The following ROS1 variants were observed in gnomAD, a reference collection of about 807,000 sequenced individuals.
The protein encoded by ROS1 is ROS proto-oncogene 1, receptor tyrosine kinase.
Under a neutral mutation model 273.5 loss-of-function variants are expected in ROS1, and 263 were observed. The observed-to-expected ratio is 0.96, with a 90% CI of 0.87 to 1.06. ROS1 has a LOEUF of 1.06. Ranked by LOEUF, ROS1 falls within the 50% of genes least tolerant of loss-of-function variation. ROS1 has a pLI of 0.00. For synonymous variants in ROS1, 1,008 were observed against 954.1 expected, an observed-to-expected ratio of 1.06 and a Z score of -1.04; for missense variants, 2,833 against 2,751.1, an observed-to-expected ratio of 1.03 and a Z score of -0.67.
intron 43 of ROS1, among the ~76,000 whole-genome samples, chr6:117,297,796 C>T (rs184844655): frequency 3.1e-4 from 47 of 152,098 alleles, no homozygotes; most frequent in African/African-American, 6.7e-4. Context: ...ACAACTTTTA[C>T]GGAAAACAGT....
rs962952452 is a variant in ROS1 at position 117,408,057 on chromosome 6, T to G, written c.316+1525A>C. Among the ~76,000 whole-genome samples, 125 of 151,974 alleles carry G rather than the reference T, an allele frequency of 8.2e-4. 1 individual carries two copies. Among genetic ancestry groups the G allele is most frequent in the African/African-American group, 2.7e-3 (113 of 41,398 alleles). On this transcript the variant is annotated intron_variant, in intron 5 of 43. Transcript: ENST00000368507. ...CCCTTCCTTACACCTTATACAAAAA[T>G]TAATTCAAGATGGATTAAAGACTTA...
At chr6:117,422,674 T>C (rs543077577) in intron 1 of ROS1, among the ~76,000 whole-genome samples, 54 of 152,234 alleles carry the variant, frequency 3.5e-4, no homozygotes, top group African/African-American at 1.3e-3. Flanking sequence ...TTTCAGTTGA[T>C]TTTCAGTTTA....
chr6:117,404,428 T>C lies in ROS1; in HGVS notation c.317A>G (p.Glu106Gly). Residue 106 changes from glutamate (E) to glycine (G), a missense_variant and splice_region_variant, in exon 6 of 44, where the codon GAA (glutamate) becomes GGA (glycine). By Grantham distance (98) the Glu-to-Gly change is moderately conservative (BLOSUM62 -2). Coordinates refer to ENST00000368507, the MANE Select transcript of ROS1 (RefSeq NM_001378902.1). ...AEGAYEEEVL[E>G]NADLPTAPFA... The stretch of plus-strand genomic sequence containing the variant: ...GGGAGCAGTTGGTAGGTCTGCATTT[T>C]CTGGGGAAAAAACAAGATTTCACTC... The C allele has an allele frequency of 6.2e-7, 1 of 1,611,562 alleles. No homozygotes were observed. Among genetic ancestry groups the C allele is most frequent in the Non-Finnish European group, 8.5e-7 (1 of 1,179,012 alleles).
chr6:117,361,516 G>A (rs1779802058), intron 22 of ROS1, among the ~76,000 whole-genome samples: 1 of 147,720 alleles, frequency 6.8e-6, no homozygotes, highest in Non-Finnish European at 1.5e-5. Context: ...TGGTTCCATG[G>A]TGACCAAAAT....
chr6:117,289,659 G>A (rs1374415147), intron 43 of ROS1, among the ~76,000 whole-genome samples: 1 of 152,120 alleles, frequency 6.6e-6, no homozygotes, highest in East Asian at 1.9e-4. Context: ...CAGGTTCACA[G>A]GCTCTTTGGT....
chr6:117,336,372 T>C (rs1418826991), intron 32 of ROS1, among the ~76,000 whole-genome samples: 1 of 152,066 alleles, frequency 6.6e-6, no homozygotes, highest in Non-Finnish European at 1.5e-5. Context: ...CCTCCTTGTG[T>C]CCATGCGTTC....
intron 43 of ROS1, among the ~76,000 whole-genome samples, chr6:117,297,048 G>A (rs1475371517): frequency 3.3e-5 from 5 of 152,126 alleles, no homozygotes; most frequent in African/African-American, 1.2e-4. Flanking sequence ...ACAGAATCCA[G>A]AATCCAGAAA....
intron 32 of ROS1, among the ~76,000 whole-genome samples, chr6:117,332,051 G>C (rs929368642): frequency 6.6e-6 from 1 of 151,896 alleles, no homozygotes; most frequent in African/African-American, 2.4e-5. Flanking sequence ...TGGCAAATTG[G>C]ATAAGGAGTC....
chr6:117,321,174 G>T (rs781560760), intron 36 of ROS1, 85 bp downstream of exon 36: 88 of 1,432,014 alleles, frequency 6.1e-5, no homozygotes, highest in South Asian at 2.0e-4. Flanking sequence ...TGACTGTCTT[G>T]GGCAATGCGG....
chr6:117,333,995 G>A (rs1354238951), intron 32 of ROS1, among the ~76,000 whole-genome samples: 1 of 152,040 alleles, frequency 6.6e-6, no homozygotes, highest in African/African-American at 2.4e-5. Flanking sequence ...TTCTGGTCAG[G>A]GCAATCAGGC....
intron 39 of ROS1, among the ~76,000 whole-genome samples, chr6:117,313,782 C>T (rs769039617): frequency 6.6e-6 from 1 of 152,084 alleles, no homozygotes; most frequent in African/African-American, 2.4e-5. Flanking sequence ...TGAGATAGTG[C>T]CTCTGAGCAC....
intron 7 of ROS1, among the ~76,000 whole-genome samples, chr6:117,399,259 G>C (rs1211988504): frequency 6.6e-6 from 1 of 152,216 alleles, no homozygotes; most frequent in South Asian, 2.1e-4. Flanking sequence ...TCCCTGCACG[G>C]TATTTCTGTA....
At chr6:117,423,706 T>A (rs972922110) in intron 1 of ROS1, among the ~76,000 whole-genome samples, 91 of 152,252 alleles carry the variant, frequency 6.0e-4, no homozygotes, top group Middle Eastern at 3.4e-3. Context: ...TGGTGACTTT[T>A]TTTTTTTAAG....
At chr6:117,293,123 A>G (rs933868967) in intron 43 of ROS1, among the ~76,000 whole-genome samples, 1 of 152,122 alleles carries the variant, frequency 6.6e-6, no homozygotes, top group African/African-American at 2.4e-5. Flanking sequence ...CTCAGCTTAG[A>G]TGTAACCTCC....
intron 42 of ROS1, among the ~76,000 whole-genome samples, chr6:117,305,824 T>C (rs909642548): frequency 6.6e-6 from 1 of 152,198 alleles, no homozygotes; most frequent in Non-Finnish European, 1.5e-5. Context: ...TCATGCAGTG[T>C]ATACTCGCAC....
Position 117,344,056 on chromosome 6 carries a change from T to A in ROS1, c.4506+4A>T, listed in dbSNP as rs1332578848. The A allele has an allele frequency of 6.2e-7, 1 of 1,606,350 alleles. No individual in the cohort carries two copies. Among genetic ancestry groups the A allele is most frequent in the African/African-American group, 1.3e-5 (1 of 74,730 alleles). On this transcript the variant is annotated splice_donor_region_variant and intron_variant, in intron 28 of 43. Transcript: ENST00000368507. ...AAGACAAAGACCACTAGTTCCAATC[T>A]TACCAGAATTCTATATTTCAAGTCA...
intron 43 of ROS1, among the ~76,000 whole-genome samples, chr6:117,289,160 T>C (rs545202816): frequency 1.3e-5 from 2 of 152,362 alleles, no homozygotes; most frequent in South Asian, 2.1e-4. Context: ...TAGGACTTAA[T>C]TGGCCCTTAG....
intron 40 of ROS1, among the ~76,000 whole-genome samples, chr6:117,310,484 T>A (rs2128549125): frequency 6.6e-6 from 1 of 152,062 alleles, no homozygotes; most frequent in South Asian, 2.1e-4. Context: ...TATCAACCTG[T>A]CATCTAGATT....
chr6:117,367,248 A>G (rs1208150400), intron 18 of ROS1, among the ~76,000 whole-genome samples: 12 of 152,318 alleles, frequency 7.9e-5, no homozygotes, highest in Non-Finnish European at 4.4e-5. Context: ...GTTAGGATTC[A>G]GGTACATGTT....
Sources: gnomAD v4.1 joint callset for allele counts (sites outside exome capture counted in the v4.1 genomes callset) on GRCh38, gnomAD v4.1.1 for gene constraint, MANE v1.5 for transcripts, NCBI Gene and HGNC (gene_info 2026-07-23, HGNC 2026-07-21) for gene names.